Variants in TMEM132D observed in about 807,000 individuals in gnomAD.
TMEM132D encodes transmembrane protein 132D.
Under a neutral mutation model 62.3 loss-of-function variants are expected in TMEM132D, and 21 were observed. The ratio of observed to expected loss-of-function variants is 0.34; its 90% confidence interval spans 0.24 to 0.49. TMEM132D has a LOEUF of 0.49. TMEM132D is among the 20% of genes least tolerant of loss of function. The pLI, the probability that TMEM132D is intolerant of heterozygous loss-of-function variation, is 0.99. For synonymous variants in TMEM132D, 621 were observed against 575.6 expected, an observed-to-expected ratio of 1.08 and a Z score of -1.13; for missense variants, 1,346 against 1,402.8, an observed-to-expected ratio of 0.96 and a Z score of 0.65.
intron 1 of TMEM132D, among the ~76,000 whole-genome samples, chr12:129,902,678 C>G (rs1256981370): frequency 6.6e-6 from 1 of 152,194 alleles, no homozygotes; most frequent in Non-Finnish European, 1.5e-5. Context: ...GAAGGGTGAG[C>G]GCCAGACCCT....
At chr12:129,349,330 C>T (rs1869791609) in intron 3 of TMEM132D, among the ~76,000 whole-genome samples, 1 of 152,172 alleles carries the variant, frequency 6.6e-6, no homozygotes, top group Admixed American at 6.5e-5. Flanking sequence ...AGCAAGTTTA[C>T]TCCAATCATC....
At chr12:129,822,726 G>A (rs1055250005) in intron 1 of TMEM132D, among the ~76,000 whole-genome samples, 7 of 152,198 alleles carry the variant, frequency 4.6e-5, no homozygotes, top group African/African-American at 7.2e-5. Context: ...AATGAGTGCC[G>A]AGCGAAGGGG....
chr12:129,477,387 G>A (rs1360223989), intron 3 of TMEM132D, among the ~76,000 whole-genome samples: 2 of 152,176 alleles, frequency 1.3e-5, no homozygotes, highest in East Asian at 3.8e-4. Context: ...AAAGGGAGAG[G>A]CCAACGGCAA....
chr12:129,811,305 C>T (rs2137316142), intron 1 of TMEM132D, among the ~76,000 whole-genome samples: 1 of 151,694 alleles, frequency 6.6e-6, no homozygotes, highest in East Asian at 2.0e-4. Flanking sequence ...GGTCCTGCCT[C>T]CCTCCTTGTT....
chr12:129,375,658 C>T (rs576287912), intron 3 of TMEM132D, among the ~76,000 whole-genome samples: 10 of 152,186 alleles, frequency 6.6e-5, no homozygotes, highest in Admixed American at 2.0e-4. Flanking sequence ...TCAACCTGGA[C>T]GGTCCAGTAG....
intron 2 of TMEM132D, among the ~76,000 whole-genome samples, chr12:129,636,129 C>T (rs1465986948): frequency 3.9e-5 from 6 of 152,170 alleles, no homozygotes; most frequent in African/African-American, 1.4e-4. Flanking sequence ...TCCTTAGAGG[C>T]AATAGATGGC....
intron 1 of TMEM132D, among the ~76,000 whole-genome samples, chr12:129,797,045 A>G (rs1187528880): frequency 1.3e-5 from 2 of 152,064 alleles, no homozygotes; most frequent in African/African-American, 2.4e-5. Context: ...TCCAAACTGT[A>G]CCTCTTCTCA....
chr12:129,260,878 G>C (rs2135595322), intron 4 of TMEM132D, among the ~76,000 whole-genome samples: 1 of 152,264 alleles, frequency 6.6e-6, no homozygotes, highest in East Asian at 1.9e-4. Context: ...GTATTCAATG[G>C]TGTATATACA....
intron 1 of TMEM132D, among the ~76,000 whole-genome samples, chr12:129,742,847 G>A (rs1169812503): frequency 6.6e-6 from 1 of 152,198 alleles, no homozygotes; most frequent in Non-Finnish European, 1.5e-5. Flanking sequence ...CCAGGTCTTT[G>A]AAGCACTGGA....
chr12:129,225,304 T>C (rs1879452481), intron 4 of TMEM132D, among the ~76,000 whole-genome samples: 1 of 152,216 alleles, frequency 6.6e-6, no homozygotes, highest in African/African-American at 2.4e-5. Flanking sequence ...TCAACCAGCC[T>C]GGGAGTGGAG....
intron 4 of TMEM132D, among the ~76,000 whole-genome samples, chr12:129,244,349 G>C (rs1165921862): frequency 7.0e-6 from 1 of 141,868 alleles, no homozygotes. Flanking sequence ...TCGCGCCACT[G>C]CACTCCAGCC....
chr12:129,078,502 T>C (rs767643829), intron 8 of TMEM132D, 32 bp downstream of exon 8: 2 of 1,600,680 alleles, frequency 1.2e-6, no homozygotes, highest in Non-Finnish European at 8.5e-7. Context: ...TGAGGGACCC[T>C]GCTGAAGTGT....
intron 1 of TMEM132D, among the ~76,000 whole-genome samples, chr12:129,764,394 T>A (rs1870483612): frequency 6.6e-6 from 1 of 152,170 alleles, no homozygotes; most frequent in African/African-American, 2.4e-5. Flanking sequence ...CAAAATTACT[T>A]CAGCACAACA....
chr12:129,744,418 T>C (rs1490062387), intron 1 of TMEM132D, among the ~76,000 whole-genome samples: 4 of 152,168 alleles, frequency 2.6e-5, no homozygotes, highest in African/African-American at 7.2e-5. Flanking sequence ...GGAGATTTCA[T>C]ATTGCCCCAG....
Position 129,867,545 on chromosome 12 carries a change from T to G in TMEM132D, c.79+35716A>C, listed in dbSNP as rs148378781. On this transcript the variant is annotated intron_variant, in intron 1 of 8. Coordinates refer to ENST00000422113, the MANE Select transcript of TMEM132D (RefSeq NM_133448.3). The surrounding 1 kb of genome is among the most constrained non-coding windows in gnomAD (Gnocchi z 4.5). Reference sequence around the variant, plus strand: ...GAATGAACCGCAGAAGGACTAAAATTAATAATTCTGTATAGTGTCCTTGAA... The same window carrying G: ...GAATGAACCGCAGAAGGACTAAAATGAATAATTCTGTATAGTGTCCTTGAA... 1.2e-3 allele frequency among the ~76,000 whole-genome samples: 177 copies of G among 152,292 alleles called. 1 individual carries two copies. The highest frequency in any genetic ancestry group is 3.9e-3 in the African/African-American group (164 of 41,560).
chr12:129,825,491 T>G (rs1403943586), intron 1 of TMEM132D, among the ~76,000 whole-genome samples: 1 of 152,166 alleles, frequency 6.6e-6, no homozygotes, highest in Non-Finnish European at 1.5e-5. Context: ...TCCAACCACC[T>G]TCCATAATGT....
At chr12:129,268,586 G>A (rs1880761769) in intron 4 of TMEM132D, among the ~76,000 whole-genome samples, 1 of 152,196 alleles carries the variant, frequency 6.6e-6, no homozygotes, top group African/African-American at 2.4e-5. Context: ...CACTGTTGGT[G>A]GGAGTGTAAA....
intron 1 of TMEM132D, among the ~76,000 whole-genome samples, chr12:129,705,861 G>A (rs767386685): frequency 2.9e-4 from 44 of 152,020 alleles, no homozygotes; most frequent in Non-Finnish European, 5.6e-4. Flanking sequence ...ACTTAAAAAT[G>A]CCAATAGACT....
chr12:129,472,574 G>T (rs981804324), intron 3 of TMEM132D, among the ~76,000 whole-genome samples: 7 of 152,210 alleles, frequency 4.6e-5, no homozygotes, highest in African/African-American at 1.7e-4. Context: ...TGTTCAGCAC[G>T]TGTATCCCGG....
Sources: gnomAD v4.1 joint callset for allele counts (sites outside exome capture counted in the v4.1 genomes callset) on GRCh38, gnomAD v4.1.1 for gene constraint, Gnocchi (gnomAD v3.1) non-coding constraint, MANE v1.5 for transcripts, NCBI Gene and HGNC (gene_info 2026-07-23, HGNC 2026-07-21) for gene names.